The following CACNA1D variants were observed in gnomAD, a reference collection of about 807,000 sequenced individuals.
CACNA1D encodes calcium voltage-gated channel subunit alpha1 D, also known as voltage-dependent L-type calcium channel subunit alpha-1D.
In CACNA1D, 55 loss-of-function variants were observed where a neutral mutation model predicts 257.1. That is an observed-to-expected ratio of 0.21 (90% CI 0.17 to 0.27). The LOEUF is 0.27. Ranked by LOEUF, CACNA1D falls within the 10% of genes least tolerant of loss-of-function variation. The pLI, the probability that CACNA1D is intolerant of heterozygous loss-of-function variation, is 1.00. For missense variants in CACNA1D, 1,876 were observed against 2,784.0 expected (o/e 0.67, Z 7.34); for synonymous variants, 980 against 1,014.9 (o/e 0.97, Z 0.65).
At chr3:53,737,502 C>T (rs1043764696) in intron 20 of CACNA1D, among the ~76,000 whole-genome samples, 3 of 152,106 alleles carry the variant, frequency 2.0e-5, no homozygotes, top group African/African-American at 7.2e-5. Flanking sequence ...GCAACCAATC[C>T]CTTATGGATA....
intron 3 of CACNA1D, among the ~76,000 whole-genome samples, chr3:53,520,005 G>A (rs1050704362): frequency 4.6e-5 from 7 of 152,156 alleles, no homozygotes; most frequent in East Asian, 1.9e-4. Context: ...TAGAATAATC[G>A]TCCACTAAAG....
At chr3:53,744,006 TC>T (rs1260055722) in intron 22 of CACNA1D, among the ~76,000 whole-genome samples, 1 of 152,148 alleles carries the variant, frequency 6.6e-6, no homozygotes, top group Admixed American at 6.5e-5. Flanking sequence ...CCCAGGCTGT[TC>T]ATGTCCAAGC....
chr3:53,772,291 C>T (rs1488458162), intron 32 of CACNA1D, among the ~76,000 whole-genome samples: 5 of 152,164 alleles, frequency 3.3e-5, no homozygotes, highest in Non-Finnish European at 7.3e-5. Flanking sequence ...ACAGCCACAG[C>T]CAGAAAGTGG....
At chr3:53,684,747 C>A (rs1297470694) in intron 8 of CACNA1D, among the ~76,000 whole-genome samples, 2 of 150,798 alleles carry the variant, frequency 1.3e-5, no homozygotes, top group African/African-American at 4.9e-5. Context: ...TGTAACAGGT[C>A]AAAGTAAATT....
Position 53,810,198 on chromosome 3 carries a change from TCTC to T in CACNA1D, c.6095_6097del (p.Ser2032del). 1.2e-6 allele frequency: 2 copies of T among 1,613,852 alleles called. No homozygotes were observed. The highest frequency in any genetic ancestry group is 1.1e-5 in the South Asian group (1 of 91,076). On this transcript the variant is annotated inframe_deletion, in exon 47 of 48. Coordinates refer to ENST00000350061, the MANE Select transcript of CACNA1D (RefSeq NM_001128840.3). ...TCCTGGTACACAGACGAGCCCGACATCTCCTACCGGACTTTCACACCAGCCAGC... is the reference window on the plus strand; with the variant it reads ...TCCTGGTACACAGACGAGCCCGACATCTACCGGACTTTCACACCAGCCAGC...
At chr3:53,503,624 G>T (rs1037427434) in intron 3 of CACNA1D, among the ~76,000 whole-genome samples, 1 of 152,294 alleles carries the variant, frequency 6.6e-6, no homozygotes, top group East Asian at 1.9e-4. Flanking sequence ...GAAATTCAGG[G>T]CACTGATATA....
intron 3 of CACNA1D, among the ~76,000 whole-genome samples, chr3:53,575,930 A>T (rs2093030143): frequency 6.6e-6 from 1 of 152,056 alleles, no homozygotes; most frequent in African/African-American, 2.4e-5. Context: ...TGACTGGCAA[A>T]TTTTTTTTCT....
intron 17 of CACNA1D, among the ~76,000 whole-genome samples, chr3:53,731,673 C>T (rs2094994159): frequency 6.6e-6 from 1 of 152,192 alleles, no homozygotes; most frequent in African/African-American, 2.4e-5. Context: ...GAAGACAGGT[C>T]CCTGCCTTCA....
intron 20 of CACNA1D, among the ~76,000 whole-genome samples, chr3:53,738,598 C>G (rs1377072460): frequency 6.6e-6 from 1 of 152,136 alleles, no homozygotes; most frequent in Admixed American, 6.6e-5. Context: ...GGTTTCATGT[C>G]TTATTTTTAA....
At chr3:53,545,244 G>A (rs2092386627) in intron 3 of CACNA1D, among the ~76,000 whole-genome samples, 1 of 152,194 alleles carries the variant, frequency 6.6e-6, no homozygotes, top group Admixed American at 6.5e-5. Context: ...CAAAGTACTT[G>A]CCAGAATATT....
chr3:53,740,156 A>C, intron 20 of CACNA1D, 124 bp from the exon 21 acceptor site: 1 of 795,506 alleles, frequency 1.3e-6, no homozygotes, highest in Non-Finnish European at 2.3e-6. Context: ...ACTTACCTTC[A>C]GAATGGCAGG....
rs145734215 is a variant in CACNA1D at position 53,637,863 on chromosome 3, T to G, written c.484-12916T>G. 5.2e-3 allele frequency among the ~76,000 whole-genome samples: 785 copies of G among 152,344 alleles called. 7 individuals are homozygous for G. Among genetic ancestry groups the G allele is most frequent in the Non-Finnish European group, 8.6e-3 (584 of 68,034 alleles). On this transcript the variant is annotated intron_variant, in intron 3 of 47. Coordinates refer to ENST00000350061, the MANE Select transcript of CACNA1D (RefSeq NM_001128840.3). ...GGCCTCCCAATGTCTCTTAATTAAC[T>G]TAATATTACTTGGTAATACTAAAGC... is the stretch of plus-strand genomic sequence containing the variant.
intron 3 of CACNA1D, among the ~76,000 whole-genome samples, chr3:53,507,083 A>C (rs553498429): frequency 4.1e-4 from 62 of 150,832 alleles, no homozygotes; most frequent in African/African-American, 8.7e-4. Context: ...AAAAAAAAAA[A>C]AAAAAAAAAA....
chr3:53,808,444 T>A (rs1226959425), intron 45 of CACNA1D: 1 of 607,690 alleles, frequency 1.6e-6, no homozygotes, highest in Non-Finnish European at 2.9e-6. Context: ...AAGTTTGTAC[T>A]TTAAAAAACA....
At chr3:53,555,866 C>T (rs9311505) in intron 3 of CACNA1D, among the ~76,000 whole-genome samples, 5,231 of 152,112 alleles carry the variant, frequency 0.034, 271 homozygotes, top group South Asian at 0.16. Flanking sequence ...GGTGTGTGCA[C>T]GTGTATACAG....
chr3:53,684,757 T>C (rs2094460725), intron 8 of CACNA1D, among the ~76,000 whole-genome samples: 1 of 151,918 alleles, frequency 6.6e-6, no homozygotes. Context: ...CAAAGTAAAT[T>C]ATAGGATAAC....
intron 29 of CACNA1D, among the ~76,000 whole-genome samples, chr3:53,755,572 G>A (rs1373403588): frequency 1.3e-5 from 2 of 152,170 alleles, no homozygotes; most frequent in Non-Finnish European, 2.9e-5. Flanking sequence ...GATTTTTGCT[G>A]GAAATTGTAC....
intron 9 of CACNA1D, among the ~76,000 whole-genome samples, chr3:53,704,935 A>G (rs2094670691): frequency 6.6e-6 from 1 of 152,212 alleles, no homozygotes; most frequent in African/African-American, 2.4e-5. Context: ...AGAGTTGTTT[A>G]TAGGGCCTAT....
rs552258991 is a variant in CACNA1D at position 53,611,396 on chromosome 3, A to G, written c.484-39383A>G. On this transcript the variant is annotated intron_variant, in intron 3 of 47. Transcript: ENST00000350061. ...GATTGAGACCTTGTCTCAAAACAAA[A>G]CAAAACTTTTCTTTGATTCTGTGTA... is the stretch of plus-strand genomic sequence containing the variant. 2.0e-5 allele frequency among the ~76,000 whole-genome samples: 3 copies of G among 152,266 alleles called. No individual in the cohort carries two copies. In the East Asian group the frequency reaches 5.8e-4, roughly 29 times the overall value.
Sources: gnomAD v4.1 joint callset for allele counts (sites outside exome capture counted in the v4.1 genomes callset) on GRCh38, gnomAD v4.1.1 for gene constraint, MANE v1.5 for transcripts, NCBI Gene and HGNC (gene_info 2026-07-23, HGNC 2026-07-21) for gene names.